DLG5: variants seen among roughly 807,000 people sequenced by gnomAD.
The protein encoded by DLG5 is discs large MAGUK scaffold protein 5.
A neutral mutation model predicts 189.8 loss-of-function variants in DLG5; 48 were observed. The observed-to-expected ratio is 0.25, with a 90% CI of 0.20 to 0.32. The LOEUF is 0.32. Among genes scored for constraint, DLG5 ranks in the 10% least tolerant of loss-of-function variants. The pLI is 1.00. For missense variants in DLG5, 2,160 were observed against 2,544.7 expected, an observed-to-expected ratio of 0.85 and a Z score of 3.25; for synonymous variants, 1,016 against 1,054.1, an observed-to-expected ratio of 0.96 and a Z score of 0.70.
At chr10:77,879,223 A>G (rs1237778919) in intron 1 of DLG5, among the ~76,000 whole-genome samples, 1 of 152,096 alleles carries the variant, frequency 6.6e-6, no homozygotes, top group Non-Finnish European at 1.5e-5. Flanking sequence ...ACCTAGAGGA[A>G]GCGTGGAGTG....
chr10:77,862,667 A>G (rs1844516607), intron 2 of DLG5, among the ~76,000 whole-genome samples: 1 of 152,266 alleles, frequency 6.6e-6, no homozygotes, highest in Non-Finnish European at 1.5e-5. Flanking sequence ...AGCTGTTTAG[A>G]GCAGCTAGGG....
At chr10:77,841,786 G>A in intron 7 of DLG5, 95 bp downstream of exon 7, 1 of 1,420,412 alleles carries the variant, frequency 7.0e-7, no homozygotes, top group Non-Finnish European at 9.5e-7. Flanking sequence ...CTCCAACTCA[G>A]GAGGCTTCTA....
intron 27 of DLG5, among the ~76,000 whole-genome samples, chr10:77,804,223 A>G (rs1315381156): frequency 6.6e-6 from 1 of 152,212 alleles, no homozygotes; most frequent in Non-Finnish European, 1.5e-5. Flanking sequence ...AAGATAGTAA[A>G]TATTTTAGGC....
intron 2 of DLG5, among the ~76,000 whole-genome samples, chr10:77,862,605 G>A (rs1183607303): frequency 6.6e-6 from 1 of 152,150 alleles, no homozygotes; most frequent in African/African-American, 2.4e-5. Flanking sequence ...CCATTCTTAG[G>A]TATTTTACCC....
At chr10:77,820,937 T>G (rs1013312451) in intron 15 of DLG5, 145 bp downstream of exon 15, 12 of 1,126,124 alleles carry the variant, frequency 1.1e-5, no homozygotes, top group Admixed American at 5.6e-5. Flanking sequence ...GCTGGGCCAC[T>G]TCCCACTTGA....
At chr10:77,807,033 C>T in intron 25 of DLG5, 105 bp from the exon 26 acceptor site, 1 of 1,324,586 alleles carries the variant, frequency 7.5e-7, no homozygotes. Context: ...CTGCTTTGGG[C>T]TGTCTCCAAA....
intron 1 of DLG5, among the ~76,000 whole-genome samples, chr10:77,880,437 G>C (rs1325058922): frequency 6.6e-6 from 1 of 152,206 alleles, no homozygotes; most frequent in East Asian, 1.9e-4. Flanking sequence ...CTGGGCAACA[G>C]AGTGAGACTC....
At chr10:77,879,817 G>A (rs1341604066) in intron 1 of DLG5, among the ~76,000 whole-genome samples, 1 of 151,728 alleles carries the variant, frequency 6.6e-6, no homozygotes, top group Non-Finnish European at 1.5e-5. Context: ...ACAGATGGGG[G>A]AGGGAGTTGG....
At chr10:77,832,880 T>C (rs1842946079) in intron 9 of DLG5, among the ~76,000 whole-genome samples, 1 of 152,238 alleles carries the variant, frequency 6.6e-6, no homozygotes, top group South Asian at 2.1e-4. Context: ...CCCTATAATA[T>C]TCCTGAGAGC....
chr10:77,865,341 AGTG>A (rs890482424), intron 2 of DLG5, among the ~76,000 whole-genome samples: 4 of 152,180 alleles, frequency 2.6e-5, no homozygotes, highest in Non-Finnish European at 4.4e-5. Context: ...ACAGGGCGTC[AGTG>A]GCAGCCCCCA....
intron 7 of DLG5, among the ~76,000 whole-genome samples, chr10:77,837,488 C>T: frequency 6.6e-6 from 1 of 152,088 alleles, no homozygotes; most frequent in East Asian, 1.9e-4. Flanking sequence ...TTTCCCTGGG[C>T]CCCACACCAT....
intron 31 of DLG5, 162 bp downstream of exon 31, chr10:77,793,846 G>A (rs1245163430): frequency 1.3e-5 from 8 of 637,386 alleles, no homozygotes; most frequent in Admixed American, 5.4e-5. Flanking sequence ...ACGTTGGCCA[G>A]GGACTGCAAT....
At chr10:77,853,738 C>T (rs1349633861) in intron 4 of DLG5, among the ~76,000 whole-genome samples, 1 of 152,214 alleles carries the variant, frequency 6.6e-6, no homozygotes, top group South Asian at 2.1e-4. Context: ...TCACCACTTA[C>T]AAACCTGACA....
In DLG5 at chr10:77,805,804, G is replaced by A. The variant is rs758222263; in HGVS notation, c.5025C>T (p.Ser1675=). 25 of 1,614,030 alleles carry A rather than the reference G, an allele frequency of 1.5e-5. No homozygotes were observed. The highest frequency in any genetic ancestry group is 5.0e-5 in the Admixed American group (3 of 60,002). ...LSMSEVKDDN[S]ATKTLSAAAR... is the part of the protein sequence containing the mutation. Reference sequence around the variant, plus strand: ...CAGCCGCTGACAGCGTCTTTGTGGCGCTATTGTCATCTTTGACTTCAGACA... The same window carrying A: ...CAGCCGCTGACAGCGTCTTTGTGGCACTATTGTCATCTTTGACTTCAGACA... Residue 1675 remains serine, a synonymous_variant, in exon 27 of 32, where the codon AGC becomes AGT. Transcript: ENST00000372391.
chr10:77,793,266 A>C (rs1282181602), intron 31 of DLG5: 2 of 149,732 alleles, frequency 1.3e-5, no homozygotes, highest in Non-Finnish European at 2.9e-5. Flanking sequence ...AAGTTCACAC[A>C]CACACCCACA....
chr10:77,844,870 AGGGGGGCAGGG>A (rs1843607265), intron 5 of DLG5, among the ~76,000 whole-genome samples: 1 of 152,100 alleles, frequency 6.6e-6, no homozygotes, highest in Admixed American at 6.5e-5. Flanking sequence ...CTGGGCAGAG[AGGGGGGCAGGG>A]TCAAAGGCCC....
chr10:77,798,325 C>T (rs1039962910), intron 27 of DLG5, among the ~76,000 whole-genome samples: 1 of 152,192 alleles, frequency 6.6e-6, no homozygotes, highest in Non-Finnish European at 1.5e-5. Context: ...CATTCACCAC[C>T]TTGGAACCCC....
chr10:77,874,312 C>T (rs964141137), intron 1 of DLG5, among the ~76,000 whole-genome samples: 4 of 152,242 alleles, frequency 2.6e-5, no homozygotes, highest in Non-Finnish European at 4.4e-5. Context: ...AGTCACTCTG[C>T]CTCTCTGTGC....
At chr10:77,834,522 C>T (rs915512711) in intron 8 of DLG5, among the ~76,000 whole-genome samples, 7 of 152,172 alleles carry the variant, frequency 4.6e-5, no homozygotes, top group East Asian at 3.9e-4. Context: ...GGAGCCCCTT[C>T]GGATACCAGC....
Sources: gnomAD v4.1 joint callset for allele counts (sites outside exome capture counted in the v4.1 genomes callset) on GRCh38, gnomAD v4.1.1 for gene constraint, MANE v1.5 for transcripts, NCBI Gene and HGNC (gene_info 2026-07-23, HGNC 2026-07-21) for gene names.